Variants in COL21A1 observed in about 807,000 individuals in gnomAD.
COL21A1 encodes collagen alpha-1(XXI) chain.
In COL21A1, 149 loss-of-function variants were observed where a neutral mutation model predicts 137.9. The observed-to-expected ratio is 1.08, with a 90% CI of 0.95 to 1.24. COL21A1 has a LOEUF of 1.24. Ranked by LOEUF, COL21A1 falls within the 50% of genes most tolerant of loss-of-function variation. The pLI is 0.00. For synonymous variants in COL21A1, 456 were observed against 391.5 expected (o/e 1.16, Z -1.95); for missense variants, 1,167 against 1,158.4 (o/e 1.01, Z -0.11).
intron 1 of COL21A1, among the ~76,000 whole-genome samples, chr6:56,304,774 GC>G: frequency 6.6e-6 from 1 of 152,234 alleles, no homozygotes; most frequent in Middle Eastern, 3.4e-3. Context: ...CCTTCTGCTA[GC>G]TTTTGAATGT....
At chr6:56,099,231 T>C (rs1200954670) in intron 17 of COL21A1, among the ~76,000 whole-genome samples, 1 of 144,496 alleles carries the variant, frequency 6.9e-6, no homozygotes, top group Admixed American at 6.9e-5. Context: ...TAAATTTTTT[T>C]TTTTTTTTTT....
chr6:56,167,100 C>T lies in COL21A1; in HGVS notation c.1201-117G>A. 3 of 702,498 alleles carry T rather than the reference C, an allele frequency of 4.3e-6. No individual in the cohort carries two copies. The South Asian group carries it at 5.2e-5, about 12-fold the overall frequency. 43.5% of individuals were successfully genotyped at this position (702,498 alleles called of 1,614,324 possible). On this transcript the variant is annotated intron_variant, in intron 6 of 29. Coordinates refer to ENST00000244728, the MANE Select transcript of COL21A1 (RefSeq NM_030820.4). ...TAGTAATTGTGTAAGGTTTACATCA[C>T]AGCATTTAGCTAAAACAATGAAAAT...
intron 1 of COL21A1, among the ~76,000 whole-genome samples, chr6:56,232,198 A>G (rs919601018): frequency 6.6e-6 from 1 of 151,874 alleles, no homozygotes; most frequent in Non-Finnish European, 1.5e-5. Context: ...AAAATTGACA[A>G]TACTATACTT....
intron 7 of COL21A1, among the ~76,000 whole-genome samples, chr6:56,166,607 C>T (rs112307837): frequency 0.067 from 10,149 of 152,088 alleles, 397 homozygotes; most frequent in Admixed American, 0.11. Flanking sequence ...CCCGAGATTG[C>T]GCCACTGCAC....
At chr6:56,098,030 T>C (rs1272662111) in intron 17 of COL21A1, among the ~76,000 whole-genome samples, 2 of 16,586 alleles carry the variant, frequency 1.2e-4, no homozygotes, top group Non-Finnish European at 1.9e-4. Flanking sequence ...TAAATATATA[T>C]GTAAATATAT....
At chr6:56,222,163 C>T (rs916705118) in intron 1 of COL21A1, among the ~76,000 whole-genome samples, 4 of 152,012 alleles carry the variant, frequency 2.6e-5, no homozygotes, top group Non-Finnish European at 5.9e-5. Flanking sequence ...ATCCCAACTA[C>T]TCGGGAGGCT....
chr6:56,146,919 G>C (rs1774880655), intron 10 of COL21A1, among the ~76,000 whole-genome samples: 4 of 152,014 alleles, frequency 2.6e-5, no homozygotes, highest in African/African-American at 9.7e-5. Context: ...TAAATATAGA[G>C]CAACATCATC....
chr6:56,302,091 GT>G (rs1219663807), intron 1 of COL21A1, among the ~76,000 whole-genome samples: 1 of 151,802 alleles, frequency 6.6e-6, no homozygotes, highest in Non-Finnish European at 1.5e-5. Flanking sequence ...GTATTCCATG[GT>G]GTATATGTGC....
At chr6:56,203,327 A>C (rs1779529866) in intron 1 of COL21A1, among the ~76,000 whole-genome samples, 1 of 152,202 alleles carries the variant, frequency 6.6e-6, no homozygotes, top group Non-Finnish European at 1.5e-5. Context: ...AATACAGGAT[A>C]GTAAATCAAA....
chr6:56,143,199 C>CTTTTTTT (rs1201380404), intron 10 of COL21A1, among the ~76,000 whole-genome samples: 4 of 124,534 alleles, frequency 3.2e-5, no homozygotes, highest in Admixed American at 8.3e-5. Context: ...TACAATTTTT[C>CTTTTTTT]TTTTTTTTTT....
At chr6:56,240,126 T>A (rs777209925) in intron 1 of COL21A1, among the ~76,000 whole-genome samples, 1 of 150,854 alleles carries the variant, frequency 6.6e-6, no homozygotes, top group Non-Finnish European at 1.5e-5. Flanking sequence ...TTATAAGGCC[T>A]CCCTAGCCAC....
intron 1 of COL21A1, among the ~76,000 whole-genome samples, chr6:56,316,476 A>AATTTTTTTTTTTT (rs776151498): frequency 3.3e-5 from 1 of 30,352 alleles, no homozygotes; most frequent in Non-Finnish European, 8.1e-5. Flanking sequence ...TTCTAAATAG[A>AATTTTTTTTTTTT]CTTTTTTTTT....
chr6:56,187,478 T>C (rs1778376628), intron 1 of COL21A1, among the ~76,000 whole-genome samples: 1 of 152,164 alleles, frequency 6.6e-6, no homozygotes, highest in South Asian at 2.1e-4. Context: ...GGTACTATAT[T>C]GACATAAAGA....
intron 13 of COL21A1, among the ~76,000 whole-genome samples, 162 bp downstream of exon 13, chr6:56,125,934 T>A (rs1178640353): frequency 6.6e-6 from 1 of 151,960 alleles, no homozygotes; most frequent in Non-Finnish European, 1.5e-5. Flanking sequence ...AAAGGGAATT[T>A]TGTAAAGTTT....
intron 1 of COL21A1, among the ~76,000 whole-genome samples, chr6:56,204,838 A>C (rs1389305469): frequency 6.6e-6 from 1 of 152,206 alleles, no homozygotes; most frequent in African/African-American, 2.4e-5. Flanking sequence ...CCAGGCAAAC[A>C]GGATCTGGAA....
intron 1 of COL21A1, among the ~76,000 whole-genome samples, chr6:56,379,763 G>A (rs1337697359): frequency 1.3e-5 from 2 of 152,148 alleles, no homozygotes; most frequent in Non-Finnish European, 2.9e-5. Flanking sequence ...CAAAGTATGA[G>A]AGTGCCTATT....
At chr6:56,259,181 C>T (rs1303162556) in intron 1 of COL21A1, among the ~76,000 whole-genome samples, 1 of 152,126 alleles carries the variant, frequency 6.6e-6, no homozygotes, top group Admixed American at 6.6e-5. Context: ...TTCTAGCATC[C>T]CTCAAAGCAT....
intron 6 of COL21A1, 124 bp downstream of exon 6, chr6:56,168,000 T>G: frequency 1.6e-6 from 1 of 612,850 alleles, no homozygotes; most frequent in Non-Finnish European, 2.6e-6. Flanking sequence ...TGACCACATT[T>G]TGGTGAACAA....
intron 1 of COL21A1, among the ~76,000 whole-genome samples, chr6:56,216,532 T>C (rs1013777740): frequency 3.3e-5 from 5 of 152,084 alleles, no homozygotes; most frequent in African/African-American, 1.2e-4. Flanking sequence ...CATCTCTTTT[T>C]ACTCTGTTAA....
Sources: gnomAD v4.1 joint callset for allele counts (sites outside exome capture counted in the v4.1 genomes callset) on GRCh38, gnomAD v4.1.1 for gene constraint, MANE v1.5 for transcripts, NCBI Gene and HGNC (gene_info 2026-07-23, HGNC 2026-07-21) for gene names.